Variants in JAK1 observed in about 807,000 individuals in gnomAD.
The protein encoded by JAK1 is tyrosine-protein kinase JAK1.
In JAK1, 16 loss-of-function variants were observed where a neutral mutation model predicts 136.6. The observed-to-expected ratio is 0.12, with a 90% CI of 0.08 to 0.18. The LOEUF is 0.18. Among genes scored for constraint, JAK1 ranks in the 10% least tolerant of loss-of-function variants. The pLI, the probability that JAK1 is intolerant of heterozygous loss-of-function variation, is 1.00. For synonymous variants in JAK1, 492 were observed against 519.5 expected (o/e 0.95, Z 0.72); for missense variants, 859 against 1,450.1 (o/e 0.59, Z 6.62).
At chr1:64,938,083 T>C (rs1340025667) in intron 1 of JAK1, among the ~76,000 whole-genome samples, 1 of 152,006 alleles carries the variant, frequency 6.6e-6, no homozygotes, top group Non-Finnish European at 1.5e-5. Context: ...GGTTTCACTG[T>C]GTTAGCCAGG....
intron 4 of JAK1, among the ~76,000 whole-genome samples, chr1:64,874,583 G>A (rs1344445936): frequency 6.6e-6 from 1 of 152,064 alleles, no homozygotes; most frequent in East Asian, 1.9e-4. Context: ...TCTGTCACCT[G>A]TAAGAAAAAC....
intron 20 of JAK1, among the ~76,000 whole-genome samples, chr1:64,839,126 A>G (rs1242436923): frequency 1.5e-5 from 2 of 135,066 alleles, no homozygotes; most frequent in Non-Finnish European, 3.1e-5. Context: ...AGCCTGGGCC[A>G]CAGAGCGAGA....
intron 2 of JAK1, among the ~76,000 whole-genome samples, chr1:65,030,286 T>C (rs1396408504): frequency 3.9e-5 from 6 of 152,182 alleles, no homozygotes. Flanking sequence ...TAAATTTCTG[T>C]TGTTTAAGCC....
intron 2 of JAK1, among the ~76,000 whole-genome samples, chr1:65,007,568 C>T (rs1030967945): frequency 6.6e-6 from 1 of 152,160 alleles, no homozygotes; most frequent in African/African-American, 2.4e-5. Context: ...TCAAGCAATT[C>T]TCTTGCCTCA....
At chr1:64,881,054 A>C (rs1207656297) in intron 3 of JAK1, among the ~76,000 whole-genome samples, 1 of 152,068 alleles carries the variant, frequency 6.6e-6, no homozygotes, top group Admixed American at 6.5e-5. Context: ...GGATCACTTG[A>C]GGTCAAGAGT....
At chr1:64,868,292 A>C (rs1557649234) in intron 6 of JAK1, among the ~76,000 whole-genome samples, 1 of 152,124 alleles carries the variant, frequency 6.6e-6, no homozygotes, top group Non-Finnish European at 1.5e-5. Flanking sequence ...CCAAATGCGG[A>C]GACTGATCTG....
chr1:65,002,080 T>C (rs1646763620), intron 2 of JAK1, among the ~76,000 whole-genome samples: 1 of 152,082 alleles, frequency 6.6e-6, no homozygotes, highest in Non-Finnish European at 1.5e-5. Context: ...CTGATCCCAA[T>C]ACAAGATTGA....
chr1:64,928,778 C>CA (rs1183218798), intron 1 of JAK1, among the ~76,000 whole-genome samples: 870 of 61,140 alleles, frequency 0.014, 42 homozygotes, highest in African/African-American at 0.047. Context: ...TAAAACTCTG[C>CA]AAAAAAAAAA....
Position 64,859,994 on chromosome 1 carries a change from G to A in JAK1, c.1334+111C>T, listed in dbSNP as rs959006693. 18 of 906,896 alleles carry A rather than the reference G, an allele frequency of 2.0e-5. 1 individual carries two copies. The South Asian group carries it at 5.3e-4, about 27-fold the overall frequency. 56.2% of individuals were successfully genotyped at this position (906,896 alleles called of 1,614,324 possible). A position where few individuals can be genotyped will look rare whatever the true frequency, so the allele number is the denominator to read the frequency against. Reference sequence around the variant, plus strand: ...GGGAGGAAAGGAGGACAGCCAACAAGTACCAGGCAGCATGGTCAACTGGCC... The same window carrying A: ...GGGAGGAAAGGAGGACAGCCAACAAATACCAGGCAGCATGGTCAACTGGCC... On this transcript the variant is annotated intron_variant, in intron 9 of 24. Transcript: ENST00000342505.
intron 2 of JAK1, among the ~76,000 whole-genome samples, chr1:64,976,695 C>T (rs1646500186): frequency 1.3e-5 from 2 of 152,222 alleles, no homozygotes; most frequent in African/African-American, 4.8e-5. Context: ...TTGGGCCTCA[C>T]ATGGAACATA....
chr1:64,969,963 C>G (rs1646435426), upstream of JAK1, among the ~76,000 whole-genome samples: 1 of 151,700 alleles, frequency 6.6e-6, no homozygotes, highest in Admixed American at 6.6e-5. Context: ...TGGCAAAACC[C>G]TGTATCTACA....
intron 2 of JAK1, among the ~76,000 whole-genome samples, chr1:64,971,920 TGAA>T (rs1379194374): frequency 1.3e-5 from 2 of 152,328 alleles, no homozygotes; most frequent in East Asian, 1.9e-4. Context: ...AAACTACACT[TGAA>T]GAAGTTCTCC....
At chr1:65,031,944 C>A (rs2100815569) in intron 2 of JAK1, among the ~76,000 whole-genome samples, 1 of 150,922 alleles carries the variant, frequency 6.6e-6, no homozygotes, top group Non-Finnish European at 1.5e-5. Flanking sequence ...GCTGGAAAAA[C>A]ACAGATTTTT....
chr1:64,902,716 A>G (rs11576173), intron 1 of JAK1, among the ~76,000 whole-genome samples: 78,176 of 151,710 alleles, frequency 0.52, 24,019 homozygotes, highest in Middle Eastern at 0.7. Flanking sequence ...TACTAGCCAA[A>G]AGTCAGAAGA....
At chr1:64,899,226 G>C (rs1244314233) in intron 1 of JAK1, among the ~76,000 whole-genome samples, 2 of 152,114 alleles carry the variant, frequency 1.3e-5, no homozygotes, top group Non-Finnish European at 2.9e-5. Context: ...TCATTAGACA[G>C]CAAAGGAAAT....
chr1:64,834,488 T>C lies in JAK1; in HGVS notation c.*74A>G, dbSNP rs1203183771. 1 of 1,040,750 alleles carries C rather than the reference T, an allele frequency of 9.6e-7. No homozygotes were observed. Among genetic ancestry groups the C allele is most frequent in the Non-Finnish European group, 1.5e-6 (1 of 679,210 alleles). 64.5% of individuals were successfully genotyped at this position (1,040,750 alleles called of 1,614,324 possible). A position where few individuals can be genotyped will look rare whatever the true frequency, so the allele number is the denominator to read the frequency against. ...ACAAACTTCTTTCATTAGAAATTTT[T>C]AAAAAATGACTTGGGCATTTGTTGC... On this transcript the variant is annotated 3_prime_UTR_variant, in exon 25 of 25. Transcript: ENST00000342505.
chr1:64,848,682 C>T (rs953241317), intron 12 of JAK1, among the ~76,000 whole-genome samples: 1 of 152,100 alleles, frequency 6.6e-6, no homozygotes, highest in Non-Finnish European at 1.5e-5. Flanking sequence ...ATGGGATTCA[C>T]GAAACTTAGG....
chr1:64,893,299 C>T (rs1263301732), intron 1 of JAK1, among the ~76,000 whole-genome samples: 1 of 152,112 alleles, frequency 6.6e-6, no homozygotes, highest in Non-Finnish European at 1.5e-5. Flanking sequence ...GAGCTTCTTC[C>T]CACCAGTCAG....
Position 65,023,840 on chromosome 1 carries a change from A to C in JAK1, c.-78+20640T>G, listed in dbSNP as rs560832651. On this transcript the variant is annotated intron_variant, in intron 2 of 25. Coordinates refer to the JAK1 transcript ENST00000671954. Reference sequence around the variant, plus strand: ...ATTAGTTTGCCTGCTCTGGGATTGCATGTAAATGGAGTCATACCGTATTTA... The same window carrying C: ...ATTAGTTTGCCTGCTCTGGGATTGCCTGTAAATGGAGTCATACCGTATTTA... Among the ~76,000 whole-genome samples the C allele has an allele frequency of 2.6e-5, 4 of 151,462 alleles. No homozygotes were observed. The South Asian group carries it at 8.4e-4, about 32-fold the overall frequency.
Sources: allele counts gnomAD v4.1 joint callset (sites outside exome capture counted in the v4.1 genomes callset), GRCh38; gene constraint gnomAD v4.1.1; transcripts MANE v1.5; gene names NCBI Gene and HGNC (gene_info 2026-07-23, HGNC 2026-07-21).